The following PPFIA2 variants were observed in gnomAD, a reference collection of about 807,000 sequenced individuals.
PPFIA2 encodes PPFI scaffold protein A2, also known as liprin-alpha-2.
PPFIA2 carries 46 observed loss-of-function variants against 175.5 expected under a neutral mutation model. The observed-to-expected ratio is 0.26, with a 90% CI of 0.21 to 0.34. The LOEUF is 0.34. PPFIA2 is among the 10% of genes least tolerant of loss of function. PPFIA2 has a pLI of 1.00. For synonymous variants in PPFIA2, 568 were observed against 511.4 expected (o/e 1.11, Z -1.49); for missense variants, 1,179 against 1,506.1 (o/e 0.78, Z 3.60).
chr12:81,617,348 G>A (rs1231182675), intron 4 of PPFIA2, among the ~76,000 whole-genome samples: 1 of 152,126 alleles, frequency 6.6e-6, no homozygotes, highest in African/African-American at 2.4e-5. Context: ...CAGTCTAGAG[G>A]AATGGTTCTT....
chr12:81,711,769 G>A (rs1487584773), intron 3 of PPFIA2, among the ~76,000 whole-genome samples: 20 of 150,354 alleles, frequency 1.3e-4, no homozygotes, highest in Non-Finnish European at 1.5e-4. Flanking sequence ...TTTTGGGATG[G>A]GCTATACTTA....
intron 4 of PPFIA2, chr12:81,512,229 C>T (rs758888716): frequency 3.9e-5 from 38 of 965,620 alleles, no homozygotes; most frequent in Middle Eastern, 2.5e-4. Context: ...CCCTTAACGG[C>T]TCCCTAATGC....
chr12:81,437,518 C>T (rs1727333362), intron 7 of PPFIA2, among the ~76,000 whole-genome samples: 3 of 152,150 alleles, frequency 2.0e-5, no homozygotes, highest in Admixed American at 2.0e-4. Flanking sequence ...CAGGTGTGAA[C>T]CACCACACCT....
At chr12:81,587,078 C>T (rs879587169) in intron 4 of PPFIA2, among the ~76,000 whole-genome samples, 1 of 151,900 alleles carries the variant, frequency 6.6e-6, no homozygotes, top group African/African-American at 2.4e-5. Flanking sequence ...TGCTTATAGT[C>T]ACACTCTAGC....
intron 8 of PPFIA2, among the ~76,000 whole-genome samples, chr12:81,396,649 A>G (rs138706149): frequency 6.6e-6 from 1 of 152,216 alleles, no homozygotes; most frequent in African/African-American, 2.4e-5. Flanking sequence ...CTTGTATCAA[A>G]ATATCACATG....
intron 11 of PPFIA2, among the ~76,000 whole-genome samples, chr12:81,373,342 G>A (rs187638212): frequency 3.7e-4 from 56 of 151,864 alleles, no homozygotes; most frequent in Non-Finnish European, 7.2e-4. Context: ...GCCTAATTAT[G>A]CATATCTTAG....
intron 7 of PPFIA2, among the ~76,000 whole-genome samples, chr12:81,416,357 C>T (rs190211528): frequency 1.2e-4 from 18 of 151,610 alleles, no homozygotes; most frequent in Admixed American, 8.6e-4. Context: ...AGAGAGTATT[C>T]ATTAAGGTAA....
chr12:81,719,832 T>A (rs1413668562), intron 3 of PPFIA2, among the ~76,000 whole-genome samples: 1 of 151,390 alleles, frequency 6.6e-6, no homozygotes, highest in Middle Eastern at 3.2e-3. Context: ...TGCTGATAAA[T>A]AACATCATGA....
intron 4 of PPFIA2, among the ~76,000 whole-genome samples, chr12:81,667,411 A>G (rs1364934800): frequency 6.6e-6 from 1 of 152,070 alleles, no homozygotes; most frequent in African/African-American, 2.4e-5. Context: ...GAAAACCATT[A>G]GAATTTCCAA....
intron 19 of PPFIA2, among the ~76,000 whole-genome samples, chr12:81,342,388 A>C (rs1284736418): frequency 6.6e-6 from 1 of 152,090 alleles, no homozygotes; most frequent in Non-Finnish European, 1.5e-5. Context: ...AAAATTTTTA[A>C]AGTTCTAGGG....
intron 14 of PPFIA2, among the ~76,000 whole-genome samples, chr12:81,365,980 C>T (rs57006275): frequency 0.023 from 1,194 of 52,550 alleles, 16 homozygotes; most frequent in South Asian, 0.033. Context: ...CTCCCTCCCT[C>T]CCTCCCTTCC....
At chr12:81,585,988 A>T (rs1484244501) in intron 4 of PPFIA2, among the ~76,000 whole-genome samples, 1 of 151,884 alleles carries the variant, frequency 6.6e-6, no homozygotes, top group Admixed American at 6.6e-5. Flanking sequence ...GATGGCTATG[A>T]TGTCACTTTG....
intron 3 of PPFIA2, among the ~76,000 whole-genome samples, chr12:81,684,987 C>G (rs914097601): frequency 6.6e-6 from 1 of 151,890 alleles, no homozygotes; most frequent in Non-Finnish European, 1.5e-5. Context: ...ATTGTACAAT[C>G]AATAAATCAA....
At chr12:81,326,412 C>T (rs1343503946) in intron 21 of PPFIA2, among the ~76,000 whole-genome samples, 1 of 152,256 alleles carries the variant, frequency 6.6e-6, no homozygotes, top group Non-Finnish European at 1.5e-5. Context: ...GCTCTACTGG[C>T]TGACTCCTAT....
At chr12:81,263,678 C>T (rs2036348322) in intron 30 of PPFIA2, among the ~76,000 whole-genome samples, 2 of 152,062 alleles carry the variant, frequency 1.3e-5, no homozygotes, top group African/African-American at 4.8e-5. Flanking sequence ...CCAATGTTTT[C>T]CAAAATAAAT....
rs41330248 is a variant in PPFIA2 at position 81,380,587 on chromosome 12, C to T, written c.984+3436G>A. ...TATTTAGAGGACAGTTATGTTGTAG[C>T]TTCATTTTATGATAGTTGCTATCAC... On this transcript the variant is annotated intron_variant, in intron 9 of 32. Transcript: ENST00000549396. 9.1e-3 allele frequency among the ~76,000 whole-genome samples: 1,381 copies of T among 152,086 alleles called. 26 individuals are homozygous for T. The highest frequency in any genetic ancestry group is 0.031 in the African/African-American group (1,297 of 41,472).
intron 4 of PPFIA2, among the ~76,000 whole-genome samples, chr12:81,647,287 A>C (rs542781430): frequency 1.2e-4 from 18 of 152,324 alleles, no homozygotes; most frequent in Non-Finnish European, 1.8e-4. Flanking sequence ...ATTGAGAAAC[A>C]AAATGGAAAA....
At chr12:81,637,236 ATTTTTTTTTTTT>A (rs71098156) in intron 4 of PPFIA2, among the ~76,000 whole-genome samples, 41 of 65,886 alleles carry the variant, frequency 6.2e-4, no homozygotes, top group East Asian at 1.1e-3. Flanking sequence ...CGCCAGGCTA[ATTTTTTTTTTTT>A]TTTTTTTTTT....
At chr12:81,411,793 T>C (rs531709932) in intron 7 of PPFIA2, among the ~76,000 whole-genome samples, 4 of 152,118 alleles carry the variant, frequency 2.6e-5, no homozygotes, top group South Asian at 4.1e-4. Context: ...TGTACTCTCA[T>C]TGGGGAAAAT....
Sources: allele counts gnomAD v4.1 joint callset (sites outside exome capture counted in the v4.1 genomes callset), GRCh38; gene constraint gnomAD v4.1.1; transcripts MANE v1.5; gene names NCBI Gene and HGNC (gene_info 2026-07-23, HGNC 2026-07-21).